IGF2BP3: variants seen among roughly 807,000 people sequenced by gnomAD.
IGF2BP3 encodes the protein insulin like growth factor 2 mRNA binding protein 3, also known as insulin-like growth factor 2 mRNA-binding protein 3.
Under a neutral mutation model 73.8 loss-of-function variants are expected in IGF2BP3, and 9 were observed. The observed-to-expected ratio is 0.12, with a 90% CI of 0.07 to 0.21. The LOEUF is 0.21. Among genes scored for constraint, IGF2BP3 ranks in the 10% least tolerant of loss-of-function variants. The probability of loss-of-function intolerance (pLI) is 1.00; values close to 1 mark genes in which losing one functional copy is unlikely to be tolerated. For synonymous variants in IGF2BP3, 258 were observed against 256.7 expected (o/e 1.01, Z -0.05); for missense variants, 542 against 714.0 (o/e 0.76, Z 2.75).
intron 10 of IGF2BP3, among the ~76,000 whole-genome samples, chr7:23,341,438 G>A (rs1358424344): frequency 1.3e-5 from 2 of 152,166 alleles, no homozygotes; most frequent in Non-Finnish European, 2.9e-5. Flanking sequence ...GGCCGAGGCA[G>A]GCAGACCACT....
chr7:23,464,510 CTG>C (rs1375498580), intron 2 of IGF2BP3, among the ~76,000 whole-genome samples: 1 of 151,954 alleles, frequency 6.6e-6, no homozygotes, highest in Non-Finnish European at 1.5e-5. Flanking sequence ...GCACCACAGT[CTG>C]TTTTAAAAGA....
intron 3 of IGF2BP3, chr7:23,404,966 C>G (rs1006010370): frequency 6.9e-6 from 1 of 145,366 alleles, no homozygotes; most frequent in Non-Finnish European, 1.5e-5. Flanking sequence ...AGGAAAAGAG[C>G]AACAAGTGAA....
At chr7:23,424,759 A>AT (rs758648211) in intron 2 of IGF2BP3, among the ~76,000 whole-genome samples, 2 of 152,136 alleles carry the variant, frequency 1.3e-5, no homozygotes, top group East Asian at 1.9e-4. Flanking sequence ...ATTAAAATTA[A>AT]TTTTTAAGAG....
intron 3 of IGF2BP3, among the ~76,000 whole-genome samples, chr7:23,386,659 C>T (rs551628929): frequency 1.3e-5 from 2 of 152,326 alleles, no homozygotes; most frequent in South Asian, 4.1e-4. Context: ...AGACGGTCCA[C>T]CCTCAAGGAG....
At chr7:23,371,823 A>G (rs1562707719) in intron 3 of IGF2BP3, among the ~76,000 whole-genome samples, 2 of 152,160 alleles carry the variant, frequency 1.3e-5, no homozygotes, top group Admixed American at 6.5e-5. Flanking sequence ...TAGGACTCCT[A>G]GGAGTCATGT....
chr7:23,429,103 C>G (rs1787602294), intron 2 of IGF2BP3, among the ~76,000 whole-genome samples: 2 of 152,178 alleles, frequency 1.3e-5, no homozygotes, highest in African/African-American at 2.4e-5. Flanking sequence ...AGAGAGACTA[C>G]AATCTGGTCA....
At chr7:23,336,614 C>G (rs1441122938) in intron 10 of IGF2BP3, among the ~76,000 whole-genome samples, 1 of 151,892 alleles carries the variant, frequency 6.6e-6, no homozygotes, top group Admixed American at 6.6e-5. Context: ...CATCGCAACG[C>G]CTGGTTGTTA....
At chr7:23,328,366 G>C (rs964006890) in intron 10 of IGF2BP3, among the ~76,000 whole-genome samples, 1 of 152,086 alleles carries the variant, frequency 6.6e-6, no homozygotes, top group African/African-American at 2.4e-5. Flanking sequence ...GTGCCACCAT[G>C]CCCAGCTAAC....
At chr7:23,468,583 C>G in intron 1 of IGF2BP3, 41 bp from the exon 2 acceptor site, 1 of 1,600,670 alleles carries the variant, frequency 6.2e-7, no homozygotes, top group Non-Finnish European at 8.6e-7. Context: ...CCGAGTTCAG[C>G]GGCTCTCCCT....
chr7:23,424,455 C>T (rs1787442498), intron 2 of IGF2BP3, among the ~76,000 whole-genome samples: 1 of 152,162 alleles, frequency 6.6e-6, no homozygotes, highest in South Asian at 2.1e-4. Flanking sequence ...CGAGATCGCA[C>T]CACTGCACTC....
At chr7:23,409,632 A>G (rs1334757863) in intron 3 of IGF2BP3, among the ~76,000 whole-genome samples, 1 of 152,216 alleles carries the variant, frequency 6.6e-6, no homozygotes, top group Non-Finnish European at 1.5e-5. Flanking sequence ...GGGCAATTCA[A>G]TGGAAAAGGA....
intron 8 of IGF2BP3, 129 bp from the exon 9 acceptor site, chr7:23,343,982 A>G (rs1784773539): frequency 3.8e-6 from 3 of 792,372 alleles, no homozygotes; most frequent in Non-Finnish European, 5.9e-6. Flanking sequence ...GTGGTAAAAC[A>G]TGATGGGAAA....
intron 3 of IGF2BP3, among the ~76,000 whole-genome samples, chr7:23,387,528 T>C (rs953280399): frequency 4.0e-5 from 5 of 124,306 alleles, no homozygotes; most frequent in African/African-American, 2.9e-4. Context: ...AAATGTGCCA[T>C]ACTCAAGTAT....
intron 3 of IGF2BP3, among the ~76,000 whole-genome samples, chr7:23,400,491 C>T (rs1173483500): frequency 6.6e-6 from 1 of 152,098 alleles, no homozygotes; most frequent in Non-Finnish European, 1.5e-5. Flanking sequence ...GTCTGCCACA[C>T]CAACATTACA....
intron 2 of IGF2BP3, among the ~76,000 whole-genome samples, chr7:23,464,506 C>A (rs1170843294): frequency 6.6e-6 from 1 of 151,890 alleles, no homozygotes; most frequent in Non-Finnish European, 1.5e-5. Context: ...TTAGGCACCA[C>A]AGTCTGTTTT....
intron 2 of IGF2BP3, among the ~76,000 whole-genome samples, chr7:23,425,661 G>C (rs1393828056): frequency 6.6e-6 from 1 of 152,056 alleles, no homozygotes; most frequent in African/African-American, 2.4e-5. Flanking sequence ...ATATATATAA[G>C]ACATCTATGA....
intron 10 of IGF2BP3, among the ~76,000 whole-genome samples, chr7:23,320,963 A>AG: frequency 9.8e-6 from 1 of 101,798 alleles, no homozygotes; most frequent in Non-Finnish European, 2.3e-5. Flanking sequence ...AAAAAAAAAA[A>AG]AAAAAAGAAA....
At chr7:23,414,216 C>G (rs944806971) in intron 3 of IGF2BP3, 5 of 152,060 alleles carry the variant, frequency 3.3e-5, no homozygotes. Flanking sequence ...GAATCCAGTG[C>G]CCACCCATAA....
At chr7:23,333,731 A>T (rs1652159215) in intron 10 of IGF2BP3, among the ~76,000 whole-genome samples, 2 of 152,234 alleles carry the variant, frequency 1.3e-5, no homozygotes, top group Admixed American at 1.3e-4. Context: ...GCAGAGTTAG[A>T]AGCAAACTAA....
Sources: gnomAD v4.1 joint callset for allele counts (sites outside exome capture counted in the v4.1 genomes callset) on GRCh38, gnomAD v4.1.1 for gene constraint, MANE v1.5 for transcripts, NCBI Gene and HGNC (gene_info 2026-07-23, HGNC 2026-07-21) for gene names.